Variants in CS observed in about 807,000 individuals in gnomAD.
CS encodes the protein citrate synthase, also known as citrate synthase, mitochondrial.
CS carries 13 observed loss-of-function variants against 61.4 expected under a neutral mutation model. The ratio of observed to expected loss-of-function variants is 0.21; its 90% CI spans 0.14 to 0.34. The LOEUF (loss-of-function observed/expected upper bound fraction) is 0.34. Ranked by LOEUF, CS falls within the 10% of genes least tolerant of loss-of-function variation. The pLI is 1.00. For missense variants in CS, 278 were observed against 573.4 expected (o/e 0.48, Z 5.26); for synonymous variants, 159 against 215.2 (o/e 0.74, Z 2.29).
chr12:56,275,293 G>A, intron 7 of CS, 162 bp from the exon 8 acceptor site: 1 of 838,908 alleles, frequency 1.2e-6, no homozygotes, highest in Admixed American at 2.6e-5. Flanking sequence ...TCCTAATCTT[G>A]GCCAGGCACA....
At chr12:56,300,100 G>A (rs1236423010) in intron 1 of CS, 60 bp downstream of exon 1, 20 of 1,515,762 alleles carry the variant, frequency 1.3e-5, no homozygotes, top group Non-Finnish European at 1.2e-5. Context: ...CGGCGCCGGA[G>A]GGCCTGCGGT....
chr12:56,276,326 T>C (rs1872623266), intron 6 of CS, 131 bp from the exon 7 acceptor site: 1 of 718,012 alleles, frequency 1.4e-6, no homozygotes, highest in Non-Finnish European at 2.4e-6. Flanking sequence ...TGGGTTGTTA[T>C]ATATTGAGTA....
chr12:56,292,010 T>A (rs1002396108), intron 1 of CS, among the ~76,000 whole-genome samples: 1 of 152,154 alleles, frequency 6.6e-6, no homozygotes, highest in African/African-American at 2.4e-5. Flanking sequence ...AGCCCTCAAA[T>A]GTGGTAAGAT....
At position 56,273,557 on chromosome 12, in the gene CS, T is replaced by G. The variant is rs779975705; in HGVS notation, c.1230+30A>C. ...GATAACAATAGGGTTTGGTACAAAT[T>G]AGAGGGAAAAGAGGGAAAGGAGGAC... On this transcript the variant is annotated intron_variant, in intron 10 of 10. Coordinates refer to ENST00000351328, the MANE Select transcript of CS (RefSeq NM_004077.3). 50 of 1,604,700 alleles carry G rather than the reference T, an allele frequency of 3.1e-5. No individual in the cohort carries two copies. The East Asian group carries it at 1.0e-3, about 32-fold the overall frequency.
chr12:56,273,258 TA>T lies in CS; in HGVS notation c.1231-5del, dbSNP rs1439574231. On this transcript the variant is annotated splice_polypyrimidine_tract_variant and splice_region_variant and intron_variant, in intron 10 of 10. Transcript: ENST00000351328. Reference sequence around the variant, plus strand: ...TCATCTCCGTCATGCCATAATACTGTAAGGTAGAAGAGAAAAATATTTCATT... The same window carrying T: ...TCATCTCCGTCATGCCATAATACTGTAGGTAGAAGAGAAAAATATTTCATT... 10 of 1,613,432 alleles carry T rather than the reference TA, an allele frequency of 6.2e-6. No homozygotes were observed. The highest frequency in any genetic ancestry group is 7.6e-6 in the Non-Finnish European group (9 of 1,179,664).
chr12:56,275,274 T>TA, intron 7 of CS, 143 bp from the exon 8 acceptor site: 1 of 974,768 alleles, frequency 1.0e-6, no homozygotes, highest in East Asian at 2.5e-5. Context: ...TAAACTCTTG[T>TA]AAAAGACATC....
In CS at chr12:56,282,456, T is replaced by TG; in HGVS notation, c.551dup (p.Tyr185IlefsTer16). 2 of 1,612,970 alleles carry TG rather than the reference T, an allele frequency of 1.2e-6. No individual in the cohort carries two copies. The highest frequency in any genetic ancestry group is 1.7e-6 in the Non-Finnish European group (2 of 1,179,768). ...TGGTTCGGCTGATACCCTGTGCATATGCTCGGGCAAAGTTACTTTCACTGT... is the reference window on the plus strand; with the variant it reads ...TGGTTCGGCTGATACCCTGTGCATATGGCTCGGGCAAAGTTACTTTCACTGT... On this transcript the variant is annotated frameshift_variant, in exon 6 of 11. Transcript: ENST00000351328. LOFTEE classifies it high-confidence loss of function.
Position 56,282,845 on chromosome 12 carries a change from A to T in CS, c.399+15T>A. 1 of 1,613,828 alleles carries T rather than the reference A, an allele frequency of 6.2e-7. No homozygotes were observed. The highest frequency in any genetic ancestry group is 8.5e-7 in the Non-Finnish European group (1 of 1,179,920). ...AAGGGGAATGAGAAGAGCTAATAAT[A>T]TCCTTCTGCTTTACCTGTTCCTCTG... On this transcript the variant is annotated intron_variant, in intron 5 of 10. Transcript: ENST00000351328.
chr12:56,278,069 G>A (rs1298329249), intron 6 of CS, among the ~76,000 whole-genome samples: 5 of 152,172 alleles, frequency 3.3e-5, no homozygotes, highest in African/African-American at 9.7e-5. Flanking sequence ...GCTTAGCTAA[G>A]TTAACTTGCA....
In CS at chr12:56,274,979, G is replaced by A. The variant is rs745441137; in HGVS notation, c.918+23C>T. On this transcript the variant is annotated intron_variant, in intron 8 of 10. Coordinates refer to ENST00000351328, the MANE Select transcript of CS (RefSeq NM_004077.3). ...ATGGGGTAAGGAAAACATGTAGCAG[G>A]AAAATAAAAAGAATAGTCTTACCTG... The A allele has an allele frequency of 1.2e-5, 20 of 1,613,032 alleles. 1 individual carries two copies. Among genetic ancestry groups the A allele is most frequent in the Middle Eastern group, 3.3e-4 (2 of 6,078 alleles).
At chr12:56,277,298 G>C (rs1040322604) in intron 6 of CS, among the ~76,000 whole-genome samples, 2 of 150,938 alleles carry the variant, frequency 1.3e-5, no homozygotes, top group African/African-American at 4.9e-5. Flanking sequence ...AGGAGATCGA[G>C]ACCATCCTGG....
intron 6 of CS, among the ~76,000 whole-genome samples, chr12:56,279,749 G>A (rs1309842082): frequency 6.7e-6 from 1 of 150,336 alleles, no homozygotes; most frequent in Non-Finnish European, 1.5e-5. Context: ...CTGGGCAACA[G>A]AGCGAGACTC....
intron 6 of CS, among the ~76,000 whole-genome samples, chr12:56,279,777 C>CA (rs369160772): frequency 0.057 from 8,113 of 143,074 alleles, 245 homozygotes; most frequent in Non-Finnish European, 0.073. Context: ...AAAAAAAAAC[C>CA]AAAAAAAAAC....
intron 2 of CS, chr12:56,286,317 T>C: frequency 1.9e-6 from 1 of 528,296 alleles, no homozygotes. Context: ...TAAAAATGAT[T>C]AAAATGGTAA....
At chr12:56,289,147 A>C (rs1485058212) in intron 1 of CS, among the ~76,000 whole-genome samples, 1 of 152,206 alleles carries the variant, frequency 6.6e-6, no homozygotes, top group South Asian at 2.1e-4. Context: ...GAAAATAGGC[A>C]GCACAAACAG....
chr12:56,286,693 T>C, intron 1 of CS, 48 bp from the exon 2 acceptor site: 1 of 1,524,398 alleles, frequency 6.6e-7, no homozygotes, highest in Non-Finnish European at 9.1e-7. Flanking sequence ...CCCTCCCTCT[T>C]TTATATTAAC....
At chr12:56,283,071 C>A in intron 4 of CS, 80 bp from the exon 5 acceptor site, 1 of 1,504,664 alleles carries the variant, frequency 6.6e-7, no homozygotes, top group Admixed American at 1.7e-5. Flanking sequence ...TCAGACCTTA[C>A]AACAAGTTAG....
chr12:56,295,524 G>GA (rs938624327), intron 1 of CS, among the ~76,000 whole-genome samples: 47 of 142,284 alleles, frequency 3.3e-4, no homozygotes, highest in South Asian at 1.8e-3. Context: ...CCATCTCAAG[G>GA]AAAAAAAAAA....
rs1045104541 is a variant in CS, at chr12:56,283,083, G to C, written c.268-92C>G. The C allele has an allele frequency of 5.7e-6, 8 of 1,399,220 alleles. No individual in the cohort carries two copies. In the African/African-American group the frequency reaches 7.2e-5, roughly 13 times the overall value. 86.7% of individuals were successfully genotyped at this position (1,399,220 alleles called of 1,614,324 possible). A position where few individuals can be genotyped will look rare whatever the true frequency, so the allele number is the denominator to read the frequency against. On this transcript the variant is annotated intron_variant, in intron 4 of 10. Coordinates refer to ENST00000351328, the MANE Select transcript of CS (RefSeq NM_004077.3). ...TCATCAGACCTTACAACAAGTTAGA[G>C]TAGAACTTTTTATGTTAATTATTAT... is the stretch of plus-strand genomic sequence containing the variant.
Sources: allele counts gnomAD v4.1 joint callset (sites outside exome capture counted in the v4.1 genomes callset), GRCh38; gene constraint gnomAD v4.1.1; transcripts MANE v1.5; gene names NCBI Gene and HGNC (gene_info 2026-07-23, HGNC 2026-07-21).